Variants in ABCC5 observed in about 807,000 individuals in gnomAD.
The protein encoded by ABCC5 is ATP-binding cassette sub-family C member 5.
A neutral mutation model predicts 160.9 loss-of-function variants in ABCC5; 61 were observed. The observed-to-expected ratio is 0.38, with a 90% CI of 0.31 to 0.47. The LOEUF (loss-of-function observed/expected upper bound fraction) is 0.47, where lower values mean the gene tolerates loss of function less well. Among genes scored for constraint, ABCC5 ranks in the 20% least tolerant of loss-of-function variants. The probability of loss-of-function intolerance (pLI) is 0.99; values close to 1 mark genes in which losing one functional copy is unlikely to be tolerated. For synonymous variants in ABCC5, 666 were observed against 700.6 expected (o/e 0.95, Z 0.78); for missense variants, 1,308 against 1,813.3 (o/e 0.72, Z 5.06).
At position 183,981,792 on chromosome 3, in the gene ABCC5, A is replaced by C; in HGVS notation, c.1082T>G (p.Val361Gly). 1 of 1,611,158 alleles carries C rather than the reference A, an allele frequency of 6.2e-7. No individual in the cohort carries two copies. The highest frequency in any genetic ancestry group is 8.5e-7 in the Non-Finnish European group (1 of 1,179,130). Residue 361 changes from valine (V) to glycine (G), a missense_variant, in exon 8 of 30, where the codon GTT becomes GGT. Physicochemically the swap from Val to Gly is moderately radical, Grantham distance 109. This residue lies in a region of ABCC5 where 1,142 missense variants were observed against 1,527.1 expected (regional missense o/e 0.75). Transcript: ENST00000334444. ...TDERVQKMNE[V>G]LTYIKFIKMY... ...TTTGATAAATTTAATGTAAGTAAGA[A>C]CTTCATTCATCTTCTGGACACGTTC...
At position 183,925,645 on chromosome 3, in the gene ABCC5, T is replaced by G; in HGVS notation, c.4122A>C (p.Glu1374Asp). 6.2e-7 allele frequency: 1 copy of G among 1,614,052 alleles called. No individual in the cohort carries two copies. Among genetic ancestry groups the G allele is most frequent in the Non-Finnish European group, 8.5e-7 (1 of 1,180,014 alleles). Residue 1374 changes from glutamate to aspartate, a missense_variant, in exon 29 of 30, where the codon GAA becomes GAC. Coordinates refer to ENST00000334444, the MANE Select transcript of ABCC5 (RefSeq NM_005688.4). ...TCAGCATGGTACAGTCTGCAAATGC[T>G]TCTCGGATGGTCTCTTGAATCAATA... ...TDLLIQETIREAFADCTMLTI... is the reference protein window; with the variant it reads ...TDLLIQETIRDAFADCTMLTI...
intron 10 of ABCC5, among the ~76,000 whole-genome samples, chr3:183,975,594 C>G (rs1379554436): frequency 2.0e-5 from 3 of 152,066 alleles, no homozygotes; most frequent in Non-Finnish European, 4.4e-5. Context: ...CCAACCACCT[C>G]AGCCTCCCAA....
chr3:183,991,148 T>G (rs78413023), intron 2 of ABCC5, among the ~76,000 whole-genome samples: 3 of 150,100 alleles, frequency 2.0e-5, no homozygotes, highest in Non-Finnish European at 4.4e-5. Flanking sequence ...AAAAAAAAAA[T>G]CAGCCAGGCA....
intron 16 of ABCC5, 93 bp from the exon 17 acceptor site, chr3:183,959,928 C>T: frequency 2.4e-6 from 2 of 843,396 alleles, no homozygotes; most frequent in Non-Finnish European, 3.6e-6. Context: ...AATTAAACTG[C>T]TATTACTGAA....
rs757448895 is a variant in ABCC5, at chr3:183,949,287, G to C, written c.3227+466C>G. 6.6e-6 allele frequency among the ~76,000 whole-genome samples: 1 copy of C among 152,108 alleles called. No individual in the cohort carries two copies. Among genetic ancestry groups the C allele is most frequent in the Non-Finnish European group, 1.5e-5 (1 of 68,028 alleles). On this transcript the variant is annotated intron_variant, in intron 22 of 29. Coordinates refer to ENST00000334444, the MANE Select transcript of ABCC5 (RefSeq NM_005688.4). The surrounding 1 kb of genome is among the most constrained non-coding windows in gnomAD (Gnocchi z 4.2). ...TAAGTTTCACAAATAAACAATACTC[G>C]ATGCTTAAATAAAATCTACTCAAAT...
intron 26 of ABCC5, among the ~76,000 whole-genome samples, chr3:183,933,973 T>C (rs1029052875): frequency 6.6e-6 from 1 of 152,126 alleles, no homozygotes; most frequent in Admixed American, 6.6e-5. Context: ...GCCTGTGCCT[T>C]GGGAAACTCA....
At position 183,957,143 on chromosome 3, in the gene ABCC5, C is replaced by G. The variant is rs542535102; in HGVS notation, c.2482+2590G>C. On this transcript the variant is annotated intron_variant, in intron 17 of 29. Transcript: ENST00000334444. ...ACATCACATCGGTTACATGCGGGTC[C>G]GTGTGTACATCACATCGGTTACATG... Among the ~76,000 whole-genome samples the G allele has an allele frequency of 9.9e-4, 104 of 104,596 alleles. 4 individuals carry two copies. Among genetic ancestry groups the G allele is most frequent in the African/African-American group, 3.6e-3 (101 of 28,308 alleles). 68.6% of individuals were successfully genotyped at this position (104,596 alleles called of 152,430 possible).
chr3:183,980,341 ACT>A (rs747744504), intron 8 of ABCC5, among the ~76,000 whole-genome samples: 5 of 152,240 alleles, frequency 3.3e-5, no homozygotes, highest in Admixed American at 1.3e-4. Context: ...GAGTAAGAAC[ACT>A]CTTTTCAAAT....
At chr3:184,006,340 T>C (rs1721207840) in intron 2 of ABCC5, 1 of 150,608 alleles carries the variant, frequency 6.6e-6, no homozygotes, top group African/African-American at 2.4e-5. Flanking sequence ...CTTACTTATC[T>C]TAACCCTGTC....
Position 183,937,925 on chromosome 3 carries a change from G to C in ABCC5, c.3830C>G (p.Pro1277Arg). 6.2e-7 allele frequency: 1 copy of C among 1,614,184 alleles called. No homozygotes were observed. Among genetic ancestry groups the C allele is most frequent in the Non-Finnish European group, 8.5e-7 (1 of 1,180,030 alleles). Residue 1277 changes from proline (P) to arginine (R), a missense_variant, in exon 26 of 30, where the codon CCG becomes CGG. By Grantham distance (103) the Pro-to-Arg change is moderately radical (BLOSUM62 -2). This residue lies in a region of ABCC5 where 163 missense variants were observed against 269.7 expected (regional missense o/e 0.60). Transcript: ENST00000334444. ...CCTGACAGTGCCACTGAACAGCACC[G>C]GCTCTTGAGGAATGATAGAGAGTTT... ...RSKLSIIPQE[P>R]VLFSGTVRSN... is the part of the protein sequence containing the mutation.
intron 10 of ABCC5, among the ~76,000 whole-genome samples, chr3:183,974,148 T>C (rs182270864): frequency 1.3e-5 from 2 of 152,252 alleles, no homozygotes; most frequent in Admixed American, 6.5e-5. Context: ...TATAAACCTA[T>C]AAACCATAAG....
intron 16 of ABCC5, 44 bp downstream of exon 16, chr3:183,961,467 T>G (rs779969092): frequency 6.2e-7 from 1 of 1,606,146 alleles, no homozygotes; most frequent in Admixed American, 1.7e-5. Context: ...GTGTTTCCCT[T>G]GCAGAGACAG....
chr3:183,942,245 T>C (rs1714434417), intron 25 of ABCC5, among the ~76,000 whole-genome samples: 2 of 152,054 alleles, frequency 1.3e-5, no homozygotes, highest in African/African-American at 4.8e-5. Flanking sequence ...CACCATGTTG[T>C]TCTGGCTGGT....
In ABCC5 at chr3:184,017,749, C is replaced by G. The variant is rs1303998650; in HGVS notation, c.-56+81G>C. The stretch of plus-strand genomic sequence containing the variant: ...GCTCGCAGCCCTGGCCACATCCCGC[C>G]ACGCCCCGAGGAAATGCAAAGGGGT... On this transcript the variant is annotated intron_variant, in intron 1 of 29. Coordinates refer to ENST00000334444, the MANE Select transcript of ABCC5 (RefSeq NM_005688.4). This position sits in a 1 kb window ranked among gnomAD's most constrained non-coding sequence, Gnocchi z 4.5. The G allele has an allele frequency of 1.3e-5, 2 of 152,500 alleles. No homozygotes were observed. Among genetic ancestry groups the G allele is most frequent in the Admixed American group, 1.3e-4 (2 of 15,292 alleles). The allele number at this position is 152,500 out of a possible 1,614,324, so 9.4% of individuals were successfully genotyped here. A position where few individuals can be genotyped will look rare whatever the true frequency, so the allele number is the denominator to read the frequency against.
rs1055846584 is a variant in ABCC5 at position 183,963,642 on chromosome 3, G to A, written c.2032-54C>T. The stretch of plus-strand genomic sequence containing the variant: ...CTCCAGCGCAAGTCCAGAACAGCGT[G>A]GAGGGGTCACCCAGTCACTTCTCTT... On this transcript the variant is annotated intron_variant, in intron 14 of 29. Transcript: ENST00000334444. The surrounding 1 kb of genome is among the most constrained non-coding windows in gnomAD (Gnocchi z 4.6). 3.8e-6 allele frequency: 6 copies of A among 1,572,054 alleles called. No homozygotes were observed. In the African/African-American group the frequency reaches 4.1e-5, roughly 11 times the overall value.
At position 183,987,594 on chromosome 3, in the gene ABCC5, C is replaced by CTTT. The variant is rs1459264472; in HGVS notation, c.591+173_591+175dup. The CTTT allele has an allele frequency of 7.3e-6, 6 of 816,340 alleles. No individual in the cohort carries two copies. Among genetic ancestry groups the CTTT allele is most frequent in the Non-Finnish European group, 1.0e-5 (5 of 500,464 alleles). 50.6% of individuals were successfully genotyped at this position (816,340 alleles called of 1,614,324 possible). On this transcript the variant is annotated intron_variant, in intron 5 of 29. Transcript: ENST00000334444. This position sits in a 1 kb window ranked among gnomAD's most constrained non-coding sequence, Gnocchi z 4.2. Reference sequence around the variant, plus strand: ...CCATTTCTTCTCTGGCAACACTGCCCTTTCATCCTTCCAGCTGTTGCCAAA... The same window carrying CTTT: ...CCATTTCTTCTCTGGCAACACTGCCCTTTTTTCATCCTTCCAGCTGTTGCCAAA...
intron 8 of ABCC5, 127 bp from the exon 9 acceptor site, chr3:183,978,778 C>T: frequency 1.0e-6 from 1 of 992,806 alleles, no homozygotes; most frequent in Non-Finnish European, 1.4e-6. Flanking sequence ...ATCAACTCTA[C>T]CACTAAAGCT....
chr3:183,934,271 C>A (rs1713471567), intron 26 of ABCC5, among the ~76,000 whole-genome samples: 1 of 152,164 alleles, frequency 6.6e-6, no homozygotes, highest in African/African-American at 2.4e-5. Context: ...CCAGCCTGGG[C>A]AACAGAGCGA....
In ABCC5 at chr3:183,963,293, A is replaced by G; in HGVS notation, c.2235+92T>C. 1 of 1,333,480 alleles carries G rather than the reference A, an allele frequency of 7.5e-7. No homozygotes were observed. Among genetic ancestry groups the G allele is most frequent in the South Asian group, 1.2e-5 (1 of 82,554 alleles). 82.6% of individuals were successfully genotyped at this position (1,333,480 alleles called of 1,614,324 possible). ...TGAAACCTTGATTCCAGGAATTTCT[A>G]GTTATAACACAAGGATACCTGGAGC... is the stretch of plus-strand genomic sequence containing the variant. On this transcript the variant is annotated intron_variant, in intron 15 of 29. Transcript: ENST00000334444. The surrounding 1 kb of genome is among the most constrained non-coding windows in gnomAD (Gnocchi z 4.6).
Sources: gnomAD v4.1 joint callset for allele counts (sites outside exome capture counted in the v4.1 genomes callset) on GRCh38, gnomAD v4.1.1 for gene constraint, gnomAD v4.1.1 regional missense constraint, Gnocchi (gnomAD v3.1) non-coding constraint, MANE v1.5 for transcripts, NCBI Gene and HGNC (gene_info 2026-07-23, HGNC 2026-07-21) for gene names.